KDM4C: variants seen among roughly 807,000 people sequenced by gnomAD.
The protein encoded by KDM4C is lysine demethylase 4C, also known as lysine-specific demethylase 4C.
In KDM4C, 81 loss-of-function variants were observed where a neutral mutation model predicts 129.3. That is an observed-to-expected ratio of 0.63 (90% CI 0.52 to 0.75). KDM4C has a LOEUF of 0.75. Among genes scored for constraint, KDM4C ranks in the 30% least tolerant of loss-of-function variants. The pLI is 0.00. For missense variants in KDM4C, 1,457 were observed against 1,304.0 expected (o/e 1.12, Z -1.81); for synonymous variants, 573 against 456.1 (o/e 1.26, Z -3.26).
At chr9:6,896,128 T>G (rs116761934) in intron 8 of KDM4C, among the ~76,000 whole-genome samples, 3,403 of 152,278 alleles carry the variant, frequency 0.022, 124 homozygotes, top group African/African-American at 0.077. Flanking sequence ...TCCTGGAAAC[T>G]GATGTGTAGT....
intron 3 of KDM4C, among the ~76,000 whole-genome samples, chr9:6,813,268 T>C (rs2131128316): frequency 6.6e-6 from 1 of 152,312 alleles, no homozygotes; most frequent in Middle Eastern, 3.4e-3. Context: ...ACTCCTGAGC[T>C]CAAATGATCT....
At chr9:6,754,930 T>C (rs1317642745), upstream of KDM4C, among the ~76,000 whole-genome samples, 1 of 148,138 alleles carries the variant, frequency 6.8e-6, no homozygotes, top group Admixed American at 6.7e-5. Context: ...CTGCATTATA[T>C]ATATTTTAAG....
intron 8 of KDM4C, among the ~76,000 whole-genome samples, chr9:6,909,929 G>C (rs1006354088): frequency 2.0e-5 from 3 of 152,118 alleles, no homozygotes; most frequent in African/African-American, 7.2e-5. Flanking sequence ...GTATATCTTT[G>C]AAAATTGCAA....
chr9:7,132,127 T>C (rs1840709286), intron 19 of KDM4C, among the ~76,000 whole-genome samples: 1 of 152,230 alleles, frequency 6.6e-6, no homozygotes, highest in African/African-American at 2.4e-5. Flanking sequence ...CAGTTTCCTA[T>C]GAAAATCAAA....
chr9:7,108,981 G>T (rs967610928), intron 18 of KDM4C, among the ~76,000 whole-genome samples: 5 of 152,176 alleles, frequency 3.3e-5, no homozygotes, highest in African/African-American at 4.8e-5. Flanking sequence ...GTTGATTATG[G>T]ATTGACAGGG....
chr9:7,121,561 A>G (rs1370661410), intron 18 of KDM4C, among the ~76,000 whole-genome samples: 1 of 152,212 alleles, frequency 6.6e-6, no homozygotes, highest in Non-Finnish European at 1.5e-5. Context: ...CAGGATGTGG[A>G]AACGGGGAGG....
chr9:7,099,196 A>G (rs1323321632), intron 17 of KDM4C, among the ~76,000 whole-genome samples: 1 of 152,220 alleles, frequency 6.6e-6, no homozygotes, highest in African/African-American at 2.4e-5. Context: ...CTGTTTGTGG[A>G]AGAAAAAAAC....
chr9:7,062,120 A>C (rs1364075559), intron 17 of KDM4C, among the ~76,000 whole-genome samples: 1 of 152,108 alleles, frequency 6.6e-6, no homozygotes, highest in East Asian at 1.9e-4. Flanking sequence ...GGTGCCTGCC[A>C]CCACACACTG....
intron 17 of KDM4C, among the ~76,000 whole-genome samples, chr9:7,075,071 C>T (rs931225042): frequency 6.6e-6 from 1 of 152,116 alleles, no homozygotes; most frequent in Admixed American, 6.6e-5. Context: ...TATGAAACAA[C>T]TTTCTCCCCA....
intron 3 of KDM4C, among the ~76,000 whole-genome samples, chr9:6,808,628 T>C (rs1588424636): frequency 7.3e-6 from 1 of 136,318 alleles, no homozygotes; most frequent in African/African-American, 2.8e-5. Context: ...TGACCTTCCC[T>C]CCACTATTGT....
intron 1 of KDM4C, among the ~76,000 whole-genome samples, chr9:6,782,574 T>C (rs919563414): frequency 1.3e-5 from 2 of 152,134 alleles, no homozygotes; most frequent in Non-Finnish European, 1.5e-5. Flanking sequence ...GTGACACATA[T>C]GTCTATATAT....
At position 7,027,954 on chromosome 9, in the gene KDM4C, G is replaced by A. The variant is rs1826069494; in HGVS notation, c.2259+12025G>A. 3.9e-5 allele frequency among the ~76,000 whole-genome samples: 6 copies of A among 152,272 alleles called. No individual in the cohort carries two copies. The South Asian group carries it at 1.0e-3, about 26-fold the overall frequency. The stretch of plus-strand genomic sequence containing the variant: ...TAGGGCTCTTAAGTCAGTTTGTGGT[G>A]AATAGTGCCAGCCTGGGACTCACCC... On this transcript the variant is annotated intron_variant, in intron 15 of 21. Coordinates refer to ENST00000381309, the MANE Select transcript of KDM4C (RefSeq NM_015061.6).
intron 15 of KDM4C, among the ~76,000 whole-genome samples, chr9:7,021,138 G>A (rs1411680202): frequency 9.1e-6 from 1 of 109,468 alleles, no homozygotes; most frequent in Non-Finnish European, 2.0e-5. Context: ...GTGTGTGTGT[G>A]TGTATATATA....
At chr9:6,875,424 G>A (rs564684725) in intron 5 of KDM4C, among the ~76,000 whole-genome samples, 5 of 152,194 alleles carry the variant, frequency 3.3e-5, no homozygotes, top group Non-Finnish European at 7.3e-5. Context: ...TGAAAGAGGA[G>A]TGGGTGTTTT....
intron 17 of KDM4C, among the ~76,000 whole-genome samples, chr9:7,057,200 G>A (rs1179679650): frequency 2.0e-5 from 3 of 152,200 alleles, no homozygotes; most frequent in Non-Finnish European, 4.4e-5. Context: ...TGTGTAAAGT[G>A]AGAACATTTT....
intron 8 of KDM4C, among the ~76,000 whole-genome samples, chr9:6,971,875 A>G (rs970441513): frequency 6.6e-6 from 1 of 152,168 alleles, no homozygotes; most frequent in Non-Finnish European, 1.5e-5. Context: ...TTTAATTTTC[A>G]TTTTTGACTT....
In KDM4C at chr9:6,963,434, A is replaced by G. The variant is rs537628868; in HGVS notation, c.922-17491A>G. On this transcript the variant is annotated intron_variant, in intron 8 of 21. Coordinates refer to ENST00000381309, the MANE Select transcript of KDM4C (RefSeq NM_015061.6). ...GCCCAGAGGCTGACATTATGAAATA[A>G]TGATACAACTAATTATGACCAGTAG... is the stretch of plus-strand genomic sequence containing the variant. Among the ~76,000 whole-genome samples, 6 of 152,282 alleles carry G rather than the reference A, an allele frequency of 3.9e-5. No individual in the cohort carries two copies. In the South Asian group the frequency reaches 8.3e-4, roughly 21 times the overall value.
At chr9:6,783,275 C>T (rs1824759285) in intron 1 of KDM4C, among the ~76,000 whole-genome samples, 1 of 152,040 alleles carries the variant, frequency 6.6e-6, no homozygotes. Context: ...CAGTGCTGGC[C>T]ACAAAGAGGC....
intron 17 of KDM4C, among the ~76,000 whole-genome samples, chr9:7,074,947 T>C (rs1587470979): frequency 6.6e-6 from 1 of 152,150 alleles, no homozygotes; most frequent in Non-Finnish European, 1.5e-5. Context: ...TCTGACAAGA[T>C]CTCCTGCCAT....
Sources: gnomAD v4.1 joint callset for allele counts (sites outside exome capture counted in the v4.1 genomes callset) on GRCh38, gnomAD v4.1.1 for gene constraint, MANE v1.5 for transcripts, NCBI Gene and HGNC (gene_info 2026-07-23, HGNC 2026-07-21) for gene names.